Variants in NFAT5 observed in about 807,000 individuals in gnomAD.
The protein encoded by NFAT5 is nuclear factor of activated T cells 5, also known as nuclear factor of activated T-cells 5.
Under a neutral mutation model 166.5 loss-of-function variants are expected in NFAT5, and 31 were observed. That is an observed-to-expected ratio of 0.19 (90% CI 0.14 to 0.25). The LOEUF is 0.25. Ranked by LOEUF, NFAT5 falls within the 10% of genes least tolerant of loss-of-function variation. The pLI, the probability that NFAT5 is intolerant of heterozygous loss-of-function variation, is 1.00. For synonymous variants in NFAT5, 612 were observed against 639.7 expected (o/e 0.96, Z 0.65); for missense variants, 1,449 against 1,821.8 (o/e 0.80, Z 3.72).
chr16:69,645,922 G>C (rs1347139529), intron 3 of NFAT5, among the ~76,000 whole-genome samples: 1 of 152,176 alleles, frequency 6.6e-6, no homozygotes, highest in Admixed American at 6.5e-5. Flanking sequence ...GCGCTATTCT[G>C]CCAGTTGCCA....
intron 2 of NFAT5, among the ~76,000 whole-genome samples, chr16:69,605,722 T>C (rs2033368523): frequency 1.3e-5 from 2 of 152,094 alleles, no homozygotes; most frequent in African/African-American, 4.8e-5. Flanking sequence ...CTTTTTTTTT[T>C]TTGAGACGGA....
Position 69,695,306 on chromosome 16 carries a change from A to G in NFAT5, c.4585A>G (p.Ile1529Val). The G allele has an allele frequency of 6.2e-7, 1 of 1,614,180 alleles. No individual in the cohort carries two copies. The highest frequency in any genetic ancestry group is 8.5e-7 in the Non-Finnish European group (1 of 1,180,028). Residue 1529 changes from isoleucine (I) to valine (V), a missense_variant, in exon 14 of 15, where the codon ATC becomes GTC. Ile to Val is a conservative substitution (Grantham distance 29). Transcript: ENST00000349945. The stretch of plus-strand genomic sequence containing the variant: ...ATCCTCTATAAACACCAACCAGAAC[A>G]TCGAAAAGATTGATTTGCTTGTTTC... ...LASSINTNQNIEKIDLLVSLQ... is the reference protein window; with the variant it reads ...LASSINTNQNVEKIDLLVSLQ...
At chr16:69,581,495 A>G (rs2031690248) in intron 2 of NFAT5, among the ~76,000 whole-genome samples, 2 of 152,176 alleles carry the variant, frequency 1.3e-5, no homozygotes, top group African/African-American at 4.8e-5. Context: ...GTAACTCTAT[A>G]TTTAACTTTC....
chr16:69,642,742 G>A (rs183576933), intron 3 of NFAT5, among the ~76,000 whole-genome samples: 5 of 151,422 alleles, frequency 3.3e-5, no homozygotes, highest in African/African-American at 1.2e-4. Context: ...GTTTGAACCC[G>A]GGAGGTGGAG....
rs759052772 is a variant in NFAT5, at chr16:69,692,497, A to C, written c.2672A>C (p.Glu891Ala). The change falls in exon 13 of 15, where the codon GAA becomes GCA. Residue 891 changes from glutamate to alanine, a missense_variant. Glu to Ala is a moderately radical substitution (Grantham distance 107, BLOSUM62 -1). Coordinates refer to ENST00000349945, the MANE Select transcript of NFAT5 (RefSeq NM_138713.4). ...GCTGAAAGTGTTCATCCACAGTCTG[A>C]AAACACGTTATCTAATCAACAGCAG... ...GRAESVHPQS[E>A]NTLSNQQQQQ... 5 of 1,614,088 alleles carry C rather than the reference A, an allele frequency of 3.1e-6. No individual in the cohort carries two copies. Among genetic ancestry groups the C allele is most frequent in the Admixed American group, 3.3e-5 (2 of 60,000 alleles).
chr16:69,580,400 G>A (rs893463708), intron 2 of NFAT5, among the ~76,000 whole-genome samples: 6 of 151,654 alleles, frequency 4.0e-5, no homozygotes, highest in Non-Finnish European at 7.4e-5. Context: ...GCTTGGTGGC[G>A]TGTGCCTGTA....
At position 69,703,369 on chromosome 16, in the gene NFAT5, A is replaced by G. The variant is rs1256090123; in HGVS notation, c.*7018A>G. ...TTTCAGACAAGAATTATTTACTAAA[A>G]TAAATAATAAACAAGATAATGCATT... On this transcript the variant is annotated 3_prime_UTR_variant, in exon 15 of 15. Transcript: ENST00000349945. The G allele has an allele frequency of 2.0e-5, 3 of 152,662 alleles. No homozygotes were observed. Among genetic ancestry groups the G allele is most frequent in the Non-Finnish European group, 4.4e-5 (3 of 68,038 alleles). The allele number at this position is 152,662 out of a possible 1,614,324, so 9.5% of individuals were successfully genotyped here.
intron 2 of NFAT5, among the ~76,000 whole-genome samples, chr16:69,621,835 C>T (rs942780954): frequency 6.6e-6 from 1 of 151,988 alleles, no homozygotes; most frequent in African/African-American, 2.4e-5. Context: ...AGCCAGTGTA[C>T]ATTTGTGGTC....
Position 69,692,246 on chromosome 16 carries a change from T to A in NFAT5, c.2421T>A (p.Ser807Arg). The change falls in exon 13 of 15, where the codon AGT (serine) becomes AGA (arginine). Residue 807 changes from serine (S) to arginine (R), a missense_variant. Ser to Arg is a moderately radical substitution (Grantham distance 110). Transcript: ENST00000349945. ...QAGSFTGSTA[S>R]GSSGSVDLVQ... Reference sequence around the variant, plus strand: ...GGAGTTTCACAGGCAGTACTGCTAGTGGCAGCAGTGGAAGTGTTGACTTGG... The same window carrying A: ...GGAGTTTCACAGGCAGTACTGCTAGAGGCAGCAGTGGAAGTGTTGACTTGG... 6.2e-7 allele frequency: 1 copy of A among 1,614,188 alleles called. No homozygotes were observed. The highest frequency in any genetic ancestry group is 8.5e-7 in the Non-Finnish European group (1 of 1,180,032).
In NFAT5 at chr16:69,682,266, T is replaced by C. The variant is rs146818663; in HGVS notation, c.1691-2621T>C. On this transcript the variant is annotated intron_variant, in intron 10 of 14. Transcript: ENST00000349945. ...GCTGTAACTCCACAGTGGTGATTTCTATAAGAAATGGGAATGTAATATTTA... is the reference window on the plus strand; with the variant it reads ...GCTGTAACTCCACAGTGGTGATTTCCATAAGAAATGGGAATGTAATATTTA... 7.9e-3 allele frequency among the ~76,000 whole-genome samples: 1,202 copies of C among 151,600 alleles called. 7 individuals are homozygous for C. The highest frequency in any genetic ancestry group is 9.7e-3 in the Non-Finnish European group (657 of 67,928).
At chr16:69,572,355 C>G (rs2016492070) in intron 2 of NFAT5, among the ~76,000 whole-genome samples, 1 of 152,110 alleles carries the variant, frequency 6.6e-6, no homozygotes, top group Admixed American at 6.5e-5. Flanking sequence ...ACTTGTGTTA[C>G]AAAAATCCTG....
chr16:69,648,655 G>A (rs565885439), intron 4 of NFAT5: 3 of 966,176 alleles, frequency 3.1e-6, no homozygotes, highest in Non-Finnish European at 2.5e-6. Flanking sequence ...TAATTTTATT[G>A]TAATATTTAA....
intron 7 of NFAT5, among the ~76,000 whole-genome samples, chr16:69,669,699 A>G (rs2036547508): frequency 6.6e-6 from 1 of 152,250 alleles, no homozygotes; most frequent in South Asian, 2.1e-4. Context: ...GTGGCTTACA[A>G]CAACTGAGTT....
At position 69,695,276 on chromosome 16, in the gene NFAT5, C is replaced by T; in HGVS notation, c.4555C>T (p.Leu1519=). The change falls in exon 14 of 15, where the codon CTG becomes TTG. Residue 1519 remains leucine, a synonymous_variant. Coordinates refer to ENST00000349945, the MANE Select transcript of NFAT5 (RefSeq NM_138713.4). ...TCAGCAAATGCCAGAGAATTCTCCA[C>T]TGGCATCCTCTATAAACACCAACCA... ...LSQQMPENSP[L]ASSINTNQNI... The T allele has an allele frequency of 6.2e-7, 1 of 1,614,188 alleles. No individual in the cohort carries two copies. The highest frequency in any genetic ancestry group is 8.5e-7 in the Non-Finnish European group (1 of 1,180,022).
Position 69,691,941 on chromosome 16 carries a change from A to G in NFAT5, c.2116A>G (p.Thr706Ala), listed in dbSNP as rs1465954841. The G allele has an allele frequency of 1.9e-6, 3 of 1,614,170 alleles. No homozygotes were observed. The highest frequency in any genetic ancestry group is 1.7e-5 in the Admixed American group (1 of 60,022). Residue 706 changes from threonine to alanine, a missense_variant, in exon 13 of 15, where the codon ACT (threonine) becomes GCT (alanine). By Grantham distance (58) the Thr-to-Ala change is moderately conservative. Around this residue, in one of 7 missense-constraint regions of NFAT5, gnomAD observed 891 missense variants for 993.0 expected, o/e 0.90. Transcript: ENST00000349945. Reference sequence around the variant, plus strand: ...AACCCAGGACATCTCACAGCCTGGTACTTTTCCAGCAGTTTCTGCTTCTAG... The same window carrying G: ...AACCCAGGACATCTCACAGCCTGGTGCTTTTCCAGCAGTTTCTGCTTCTAG... ...IQTQDISQPG[T>A]FPAVSASSQL... is the part of the protein sequence containing the mutation.
chr16:69,681,451 C>CT (rs996641814), intron 10 of NFAT5, among the ~76,000 whole-genome samples: 6 of 152,148 alleles, frequency 3.9e-5, no homozygotes, highest in Non-Finnish European at 8.8e-5. Flanking sequence ...TTTCAAACTG[C>CT]TTTGAGTTCT....
At chr16:69,600,597 T>A (rs1213600565) in intron 2 of NFAT5, among the ~76,000 whole-genome samples, 2 of 151,882 alleles carry the variant, frequency 1.3e-5, no homozygotes, top group Non-Finnish European at 2.9e-5. Context: ...CCCAAAGAGG[T>A]AAGGATAATT....
rs2035486404 is a variant in NFAT5, at chr16:69,647,457, C to T, written c.683C>T (p.Pro228Leu). The change falls in exon 4 of 15, where the codon CCG (proline) becomes CTG (leucine). Residue 228 changes from proline to leucine, a missense_variant. Pro to Leu is a moderately conservative substitution (Grantham distance 98). Coordinates refer to ENST00000349945, the MANE Select transcript of NFAT5 (RefSeq NM_138713.4). This position sits in a 1 kb window ranked among gnomAD's most constrained non-coding sequence, Gnocchi z 4.8. ...CGAAAACGAAATCCAAAGCAGAGGC[C>T]GGGGGTCAAACGACGAGATTGTGAA... ...KSRKRNPKQR[P>L]GVKRRDCEES... 3.1e-6 allele frequency: 5 copies of T among 1,613,860 alleles called. No individual in the cohort carries two copies. The highest frequency in any genetic ancestry group is 4.2e-6 in the Non-Finnish European group (5 of 1,179,988).
intron 2 of NFAT5, among the ~76,000 whole-genome samples, chr16:69,601,999 G>T (rs182802697): frequency 1.2e-4 from 18 of 152,260 alleles, no homozygotes; most frequent in Non-Finnish European, 1.5e-5. Context: ...TTGAGGTTAA[G>T]TGCATAGGCT....
Sources: gnomAD v4.1 joint callset for allele counts (sites outside exome capture counted in the v4.1 genomes callset) on GRCh38, gnomAD v4.1.1 for gene constraint, gnomAD v4.1.1 regional missense constraint, Gnocchi (gnomAD v3.1) non-coding constraint, MANE v1.5 for transcripts, NCBI Gene and HGNC (gene_info 2026-07-23, HGNC 2026-07-21) for gene names.